XRN1: variants seen among roughly 807,000 people sequenced by gnomAD.
XRN1 encodes strand-exchange protein 1 homolog.
Under a neutral mutation model 222.3 loss-of-function variants are expected in XRN1, and 67 were observed. The observed-to-expected ratio is 0.30, with a 90% CI of 0.25 to 0.37. The LOEUF is 0.37. Ranked by LOEUF, XRN1 falls within the 10% of genes least tolerant of loss-of-function variation. The probability of loss-of-function intolerance (pLI) is 1.00; values close to 1 mark genes in which losing one functional copy is unlikely to be tolerated. For synonymous variants in XRN1, 643 were observed against 652.4 expected (o/e 0.99, Z 0.22); for missense variants, 1,707 against 2,000.2 (o/e 0.85, Z 2.80).
At chr3:142,314,904 CAAAAAAAAAAAAAA>C (rs776430519) in intron 39 of XRN1, among the ~76,000 whole-genome samples, 3 of 22,300 alleles carry the variant, frequency 1.3e-4, no homozygotes, top group Non-Finnish European at 2.8e-4. Context: ...GACTCTGTCT[CAAAAAAAAAAAAAA>C]AAAAAAAAAA....
At chr3:142,445,671 T>G (rs2070467106) in intron 1 of XRN1, among the ~76,000 whole-genome samples, 1 of 152,208 alleles carries the variant, frequency 6.6e-6, no homozygotes. Flanking sequence ...TTTCATAAAA[T>G]TTTATTCCAC....
chr3:142,338,585 AAGG>A (rs1230517717), intron 33 of XRN1, among the ~76,000 whole-genome samples: 1 of 152,108 alleles, frequency 6.6e-6, no homozygotes, highest in Non-Finnish European at 1.5e-5. Context: ...GGGAAAAGTA[AAGG>A]AGATTTTGTC....
At chr3:142,396,944 G>C (rs2067954439) in intron 20 of XRN1, among the ~76,000 whole-genome samples, 1 of 152,104 alleles carries the variant, frequency 6.6e-6, no homozygotes, top group Non-Finnish European at 1.5e-5. Context: ...AAAGGGAATG[G>C]GGAACGGGAG....
At chr3:142,316,518 A>C (rs1449573413) in intron 39 of XRN1, among the ~76,000 whole-genome samples, 1 of 152,102 alleles carries the variant, frequency 6.6e-6, no homozygotes, top group Non-Finnish European at 1.5e-5. Flanking sequence ...AATATAATAA[A>C]AGCTGCTTAG....
chr3:142,423,395 T>C (rs1039415326), intron 6 of XRN1, among the ~76,000 whole-genome samples, 165 bp downstream of exon 6: 41 of 151,994 alleles, frequency 2.7e-4, no homozygotes, highest in Non-Finnish European at 6.0e-4. Flanking sequence ...AATAAATGAG[T>C]TGGATTATAA....
Position 142,376,366 on chromosome 3 carries a change from T to G in XRN1, c.2831+113A>C, listed in dbSNP as rs532027258. The G allele has an allele frequency of 1.3e-5, 12 of 908,662 alleles. No homozygotes were observed. The East Asian group carries it at 2.9e-4, about 22-fold the overall frequency. The allele number at this position is 908,662 out of a possible 1,614,324, so 56.3% of individuals were successfully genotyped here. A position where few individuals can be genotyped will look rare whatever the true frequency, so the allele number is the denominator to read the frequency against. On this transcript the variant is annotated intron_variant, in intron 24 of 40. Transcript: ENST00000392981. Reference sequence around the variant, plus strand: ...CCATCAGAGAAATTTATGCACAATTTTAAGACAATCCAGAGCAATTAATAA... The same window carrying G: ...CCATCAGAGAAATTTATGCACAATTGTAAGACAATCCAGAGCAATTAATAA...
chr3:142,370,480 A>C lies in XRN1; in HGVS notation c.3204+5T>G, dbSNP rs2066954796. 6.3e-7 allele frequency: 1 copy of C among 1,599,534 alleles called. No homozygotes were observed. On this transcript the variant is annotated splice_donor_5th_base_variant and intron_variant, in intron 27 of 40. Coordinates refer to ENST00000392981, the MANE Select transcript of XRN1 (RefSeq NM_001282857.2). ...TCAATAATCTTGGTTACTGAAAGTTAGTACCTTGCACTTTTCGACTTCTTC... is the reference window on the plus strand; with the variant it reads ...TCAATAATCTTGGTTACTGAAAGTTCGTACCTTGCACTTTTCGACTTCTTC...
chr3:142,439,969 G>A (rs1259031094), intron 1 of XRN1, among the ~76,000 whole-genome samples: 1 of 152,128 alleles, frequency 6.6e-6, no homozygotes, highest in Non-Finnish European at 1.5e-5. Flanking sequence ...ACTACCTCAG[G>A]AGACGAAGGT....
rs2108104661 is a variant in XRN1, at chr3:142,421,008, A to G, written c.1173+8T>C. The G allele has an allele frequency of 6.2e-7, 1 of 1,613,656 alleles. No homozygotes were observed. The highest frequency in any genetic ancestry group is 2.2e-5 in the East Asian group (1 of 44,810). The stretch of plus-strand genomic sequence containing the variant: ...AAACAATGAAAGGACACCTAAAAAA[A>G]TAGACACCTTTAACTTTTTCTTTTC... On this transcript the variant is annotated splice_region_variant and intron_variant, in intron 10 of 40. Transcript: ENST00000392981.
chr3:142,389,007 G>A (rs781049449), intron 20 of XRN1, among the ~76,000 whole-genome samples: 14 of 152,158 alleles, frequency 9.2e-5, no homozygotes, highest in Non-Finnish European at 1.3e-4. Context: ...TTGAGAGCAC[G>A]AGTTTGAGAC....
At chr3:142,348,404 T>C (rs2107806486) in intron 32 of XRN1, among the ~76,000 whole-genome samples, 1 of 152,266 alleles carries the variant, frequency 6.6e-6, no homozygotes, top group Admixed American at 6.5e-5. Flanking sequence ...AGACTGATGA[T>C]AAAGTTACAG....
intron 2 of XRN1, among the ~76,000 whole-genome samples, chr3:142,431,389 A>T (rs2069517442): frequency 6.6e-6 from 1 of 152,160 alleles, no homozygotes; most frequent in Non-Finnish European, 1.5e-5. Context: ...CCCAGGTGAC[A>T]CCAAAACCTG....
intron 2 of XRN1, among the ~76,000 whole-genome samples, chr3:142,428,393 CAAAAAAAA>C (rs56759656): frequency 3.2e-4 from 27 of 85,618 alleles, no homozygotes; most frequent in Non-Finnish European, 4.8e-4. Flanking sequence ...CAAGACTCTC[CAAAAAAAA>C]AAAAAAAAAA....
intron 26 of XRN1, 53 bp downstream of exon 26, chr3:142,371,185 AT>A: frequency 7.0e-7 from 1 of 1,427,550 alleles, no homozygotes; most frequent in South Asian, 1.2e-5. Context: ...TGCAGTTGTC[AT>A]TGAAAACACT....
chr3:142,383,878 A>G (rs1016150703), intron 21 of XRN1, among the ~76,000 whole-genome samples: 1 of 152,096 alleles, frequency 6.6e-6, no homozygotes, highest in African/African-American at 2.4e-5. Context: ...TTTTACATTT[A>G]TAAGATTTAA....
rs2068441362 is a variant in XRN1, at chr3:142,408,582, A to C, written c.1714-3506T>G. Among the ~76,000 whole-genome samples, 3 of 152,186 alleles carry C rather than the reference A, an allele frequency of 2.0e-5. No individual in the cohort carries two copies. The South Asian group carries it at 6.2e-4, about 32-fold the overall frequency. ...CTGATTTTCAGATTAGGGATGCTTA[A>C]TCTGTACCACAATTTACTTATCTAT... On this transcript the variant is annotated intron_variant, in intron 15 of 40. Transcript: ENST00000392981.
intron 19 of XRN1, among the ~76,000 whole-genome samples, chr3:142,399,510 G>A (rs111844062): frequency 0.013 from 1,915 of 151,982 alleles, 44 homozygotes; most frequent in African/African-American, 0.043. Context: ...AAATATCAAA[G>A]AAAATCTTCT....
At chr3:142,415,832 A>G (rs895592664) in intron 13 of XRN1, among the ~76,000 whole-genome samples, 3 of 152,228 alleles carry the variant, frequency 2.0e-5, no homozygotes, top group African/African-American at 7.2e-5. Flanking sequence ...GTTATCATCT[A>G]AAAGTCTCTA....
At chr3:142,412,498 C>T (rs1361130796) in intron 15 of XRN1, 46 bp downstream of exon 15, 3 of 1,485,446 alleles carry the variant, frequency 2.0e-6, no homozygotes, top group Non-Finnish European at 2.7e-6. Flanking sequence ...GAAATAGTCT[C>T]TGATTAAGAA....
Sources: gnomAD v4.1 joint callset for allele counts (sites outside exome capture counted in the v4.1 genomes callset) on GRCh38, gnomAD v4.1.1 for gene constraint, MANE v1.5 for transcripts, NCBI Gene and HGNC (gene_info 2026-07-23, HGNC 2026-07-21) for gene names.